Variants in DIXDC1 observed in about 807,000 individuals in gnomAD.
DIXDC1 encodes DIX domain containing 1, also known as dixin.
A neutral mutation model predicts 103.1 loss-of-function variants in DIXDC1; 64 were observed. The ratio of observed to expected loss-of-function variants is 0.62; its 90% CI spans 0.51 to 0.76. DIXDC1 has a LOEUF of 0.76. Ranked by LOEUF, DIXDC1 falls within the 30% of genes least tolerant of loss-of-function variation. The pLI, the probability that DIXDC1 is intolerant of heterozygous loss-of-function variation, is 0.00. For synonymous variants in DIXDC1, 266 were observed against 298.5 expected (o/e 0.89, Z 1.12); for missense variants, 759 against 834.2 (o/e 0.91, Z 1.11).
intron 2 of DIXDC1, chr11:111,930,042 TGC>T: frequency 1.2e-6 from 1 of 823,990 alleles, no homozygotes; most frequent in Non-Finnish European, 1.8e-6. Flanking sequence ...TCTTTTTTTT[TGC>T]TTTTCCTTCT....
At chr11:111,975,326 T>C (rs1592584587) in intron 5 of DIXDC1, 12 of 1,129,630 alleles carry the variant, frequency 1.1e-5, no homozygotes, top group South Asian at 4.7e-5. Flanking sequence ...GCCAGTTCCA[T>C]TGTGCTGTCC....
At chr11:111,992,576 T>C (rs1592606231) in intron 11 of DIXDC1, 57 bp downstream of exon 11, 1 of 1,441,272 alleles carries the variant, frequency 6.9e-7, no homozygotes, top group Non-Finnish European at 9.5e-7. Context: ...AACAGGCTAC[T>C]GCACGAAGAA....
chr11:111,927,965 G>T (rs1250584345), intron 1 of DIXDC1, among the ~76,000 whole-genome samples: 1 of 137,810 alleles, frequency 7.3e-6, no homozygotes, highest in Non-Finnish European at 1.5e-5. Flanking sequence ...GCAGTGAGCC[G>T]AGATCTCGCC....
chr11:111,959,402 G>T (rs1018680549), intron 1 of DIXDC1, among the ~76,000 whole-genome samples: 4 of 152,216 alleles, frequency 2.6e-5, no homozygotes, highest in African/African-American at 9.7e-5. Context: ...CAGTATGCCT[G>T]GTCCAGCTGC....
At chr11:111,978,286 A>G (rs1352602427) in intron 5 of DIXDC1, among the ~76,000 whole-genome samples, 1 of 152,240 alleles carries the variant, frequency 6.6e-6, no homozygotes, top group African/African-American at 2.4e-5. Flanking sequence ...GGAGCCTGTC[A>G]TATACATAAT....
intron 17 of DIXDC1, among the ~76,000 whole-genome samples, chr11:112,006,004 GGC>G (rs1325260312): frequency 6.6e-6 from 1 of 152,192 alleles, no homozygotes; most frequent in Non-Finnish European, 1.5e-5. Flanking sequence ...GGAAGCGCAA[GGC>G]GTTGGGAGAT....
At chr11:111,964,863 G>A (rs1376701564) in intron 2 of DIXDC1, among the ~76,000 whole-genome samples, 185 bp downstream of exon 2, 1 of 152,042 alleles carries the variant, frequency 6.6e-6, no homozygotes, top group Non-Finnish European at 1.5e-5. Context: ...ATTGTGTCCC[G>A]GGCACTGTAT....
intron 6 of DIXDC1, 100 bp from the exon 7 acceptor site, chr11:111,982,239 A>T: frequency 7.6e-7 from 1 of 1,319,128 alleles, no homozygotes; most frequent in Non-Finnish European, 1.0e-6. Context: ...CAGGTTCAGA[A>T]CGCAGGTGAC....
intron 6 of DIXDC1, among the ~76,000 whole-genome samples, chr11:111,981,165 A>G (rs1456229371): frequency 6.6e-6 from 1 of 152,228 alleles, no homozygotes. Flanking sequence ...TATTATTCCT[A>G]TCTTATACAA....
At chr11:112,013,769 A>G (rs1189717225) in intron 17 of DIXDC1, among the ~76,000 whole-genome samples, 3 of 152,100 alleles carry the variant, frequency 2.0e-5, no homozygotes, top group Admixed American at 6.6e-5. Context: ...TCTTAACAGG[A>G]TGTCTTAGTC....
At position 111,962,460 on chromosome 11, in the gene DIXDC1, C is replaced by T. The variant is rs370863597; in HGVS notation, c.61-2089C>T. ...TCATGCCACTGCACTCCAGCCTGGG[C>T]GACAGAGCAAGACTCCATCTCCAAG... On this transcript the variant is annotated intron_variant, in intron 1 of 19. Coordinates refer to ENST00000440460, the MANE Select transcript of DIXDC1 (RefSeq NM_001037954.4). 4.2e-4 allele frequency among the ~76,000 whole-genome samples: 64 copies of T among 151,154 alleles called. 1 individual carries two copies. The highest frequency in any genetic ancestry group is 1.4e-3 in the African/African-American group (57 of 40,916).
exon 2 of DIXDC1, chr11:111,929,865 A>G: frequency 6.5e-7 from 1 of 1,535,960 alleles, no homozygotes; most frequent in South Asian, 1.2e-5. Flanking sequence ...TGGGGACCCA[A>G]GTGGTTATGA....
intron 17 of DIXDC1, 135 bp from the exon 18 acceptor site, chr11:112,016,556 T>G: frequency 3.2e-6 from 2 of 629,662 alleles, no homozygotes; most frequent in Non-Finnish European, 5.2e-6. Flanking sequence ...CATATGGACA[T>G]TGTGTTTGGC....
At chr11:111,966,397 A>ATTTTTTTTT (rs1221666046) in intron 2 of DIXDC1, among the ~76,000 whole-genome samples, 408 of 58,476 alleles carry the variant, frequency 7.0e-3, no homozygotes, top group Non-Finnish European at 0.01. Context: ...TAATTTTTGT[A>ATTTTTTTTT]TTTTTTTTTT....
chr11:111,996,071 G>T lies in DIXDC1; in HGVS notation c.1690-9G>T. 1 of 1,612,874 alleles carries T rather than the reference G, an allele frequency of 6.2e-7. No homozygotes were observed. Among genetic ancestry groups the T allele is most frequent in the East Asian group, 2.2e-5 (1 of 44,846 alleles). ...TCATAACTCTTGTGATTTTTGTGTG[G>T]CTCCCCAGGTTCGGGTCAAGTCACC... On this transcript the variant is annotated splice_polypyrimidine_tract_variant and intron_variant, in intron 16 of 19. Coordinates refer to ENST00000440460, the MANE Select transcript of DIXDC1 (RefSeq NM_001037954.4).
chr11:111,971,236 G>A (rs1859913434), intron 3 of DIXDC1, among the ~76,000 whole-genome samples: 1 of 152,122 alleles, frequency 6.6e-6, no homozygotes, highest in Non-Finnish European at 1.5e-5. Flanking sequence ...TCTGACAAAG[G>A]TCTAATATCT....
intron 1 of DIXDC1, among the ~76,000 whole-genome samples, chr11:111,947,953 G>C (rs1555169528): frequency 1.3e-5 from 2 of 152,168 alleles, no homozygotes; most frequent in Non-Finnish European, 2.9e-5. Flanking sequence ...AGGAGTTCGA[G>C]ACTAGCCTGG....
At position 111,991,712 on chromosome 11, in the gene DIXDC1, T is replaced by TAATGCG. The variant is rs1860717818; in HGVS notation, c.1114-702_1114-701insATGCGA. Among the ~76,000 whole-genome samples, 4 of 152,366 alleles carry TAATGCG rather than the reference T, an allele frequency of 2.6e-5. No individual in the cohort carries two copies. The South Asian group carries it at 8.3e-4, about 32-fold the overall frequency. ...AGCTGAGGGAAAGAAAGCCTAATGC[T>TAATGCG]ATTAAGATCATAGGAAATTGGGAAG... is the stretch of plus-strand genomic sequence containing the variant. On this transcript the variant is annotated intron_variant, in intron 10 of 19. Transcript: ENST00000440460.
At chr11:111,950,410 GTATATATATA>G (rs1555169787) in intron 1 of DIXDC1, among the ~76,000 whole-genome samples, 431 of 25,030 alleles carry the variant, frequency 0.017, 17 homozygotes, top group Non-Finnish European at 0.026. Flanking sequence ...TACAAAGTAG[GTATATATATA>G]TATATATATA....
Sources: gnomAD v4.1 joint callset for allele counts (sites outside exome capture counted in the v4.1 genomes callset) on GRCh38, gnomAD v4.1.1 for gene constraint, MANE v1.5 for transcripts, NCBI Gene and HGNC (gene_info 2026-07-23, HGNC 2026-07-21) for gene names.